Variants in PLEKHG1 observed in about 807,000 individuals in gnomAD.
PLEKHG1 encodes pleckstrin homology domain-containing family G member 1.
A neutral mutation model predicts 100.8 loss-of-function variants in PLEKHG1; 44 were observed. The observed-to-expected ratio is 0.44, with a 90% CI of 0.34 to 0.56. The LOEUF (loss-of-function observed/expected upper bound fraction) is 0.56, where lower values mean the gene tolerates loss of function less well. PLEKHG1 is among the 20% of genes least tolerant of loss of function. The pLI, the probability that PLEKHG1 is intolerant of heterozygous loss-of-function variation, is 0.01. For synonymous variants in PLEKHG1, 640 were observed against 662.5 expected (o/e 0.97, Z 0.52); for missense variants, 1,545 against 1,720.9 (o/e 0.90, Z 1.81).
At chr6:150,838,865 C>T (rs1188085348) in intron 15 of PLEKHG1, among the ~76,000 whole-genome samples, 1 of 152,134 alleles carries the variant, frequency 6.6e-6, no homozygotes, top group African/African-American at 2.4e-5. Flanking sequence ...CTTTAGTGCT[C>T]TGCTTCTTGG....
exon 4 of PLEKHG1, chr6:150,786,450 T>G (rs770527348): frequency 6.2e-7 from 1 of 1,610,846 alleles, no homozygotes; most frequent in Non-Finnish European, 8.5e-7. Flanking sequence ...CAGAGTGTTT[T>G]GTGTCCAAGG....
intron 1 of PLEKHG1, among the ~76,000 whole-genome samples, chr6:150,615,265 A>G (rs1178496627): frequency 1.3e-5 from 2 of 151,722 alleles, no homozygotes; most frequent in African/African-American, 2.4e-5. Context: ...CCGGTATTTG[A>G]GATGAATAAA....
intron 12 of PLEKHG1, among the ~76,000 whole-genome samples, chr6:150,820,836 A>G (rs1468078962): frequency 1.3e-5 from 2 of 152,084 alleles, no homozygotes; most frequent in African/African-American, 4.8e-5. Context: ...TTGCACTCCA[A>G]CCTGGGAGAC....
chr6:150,841,762 G>A (rs1010301266), exon 16 of PLEKHG1: 1 of 152,220 alleles, frequency 6.6e-6, no homozygotes, highest in African/African-American at 2.4e-5. Context: ...AGACCATTTT[G>A]TGTGCCTGTT....
intron 1 of PLEKHG1, among the ~76,000 whole-genome samples, chr6:150,618,113 G>C (rs1328499185): frequency 6.6e-6 from 1 of 152,198 alleles, no homozygotes; most frequent in Non-Finnish European, 1.5e-5. Context: ...AGAAGCTCTT[G>C]TTGATGTTTG....
Position 150,817,290 on chromosome 6 carries a change from G to A in PLEKHG1, c.1279-893G>A, listed in dbSNP as rs752516894. ...ATCACAGACATTGTCCTTCAGGGCC[G>A]TCTCACTCTGGGAGATTCTGGGGCA... is the stretch of plus-strand genomic sequence containing the variant. On this transcript the variant is annotated intron_variant, in intron 10 of 15. Coordinates refer to ENST00000358517, the Ensembl canonical transcript of PLEKHG1. 5.3e-5 allele frequency among the ~76,000 whole-genome samples: 8 copies of A among 152,298 alleles called. No homozygotes were observed. In the East Asian group the frequency reaches 9.6e-4, roughly 18 times the overall value.
chr6:150,703,607 AAAAAAAAC>A (rs986646816), intron 3 of PLEKHG1, among the ~76,000 whole-genome samples: 11 of 148,892 alleles, frequency 7.4e-5, no homozygotes, highest in African/African-American at 2.8e-4. Context: ...TCTTAAAAAA[AAAAAAAAC>A]AAAACAACTT....
At chr6:150,788,872 C>T (rs201908701) in intron 4 of PLEKHG1, among the ~76,000 whole-genome samples, 17 of 152,186 alleles carry the variant, frequency 1.1e-4, no homozygotes, top group East Asian at 1.9e-4. Flanking sequence ...CACACACACA[C>T]GCATACACAC....
intron 2 of PLEKHG1, among the ~76,000 whole-genome samples, chr6:150,649,012 A>C (rs185065045): frequency 1.3e-3 from 200 of 151,948 alleles, no homozygotes; most frequent in African/African-American, 4.5e-3. Context: ...GCAATGAACC[A>C]CCTACTTGTT....
At chr6:150,633,896 C>T (rs1237034728) in intron 1 of PLEKHG1, among the ~76,000 whole-genome samples, 2 of 151,984 alleles carry the variant, frequency 1.3e-5, no homozygotes, top group Non-Finnish European at 2.9e-5. Context: ...CCAGGTTGCC[C>T]CTCCACAGTT....
At chr6:150,829,569 G>C (rs1776796893) in intron 14 of PLEKHG1, among the ~76,000 whole-genome samples, 1 of 152,194 alleles carries the variant, frequency 6.6e-6, no homozygotes, top group Non-Finnish European at 1.5e-5. Flanking sequence ...AGTGAGCCAA[G>C]ATCATGCCAA....
chr6:150,611,361 C>A (rs535019726), intron 1 of PLEKHG1, among the ~76,000 whole-genome samples: 1 of 152,072 alleles, frequency 6.6e-6, no homozygotes, highest in South Asian at 2.1e-4. Context: ...AGCATACAAA[C>A]AAAAAAATTA....
chr6:150,737,385 G>A (rs368052348), intron 2 of PLEKHG1, among the ~76,000 whole-genome samples: 1,520 of 150,226 alleles, frequency 0.01, 42 homozygotes, highest in African/African-American at 0.035. Flanking sequence ...TCCGCTTCCC[G>A]GGTTCACGCC....
intron 14 of PLEKHG1, chr6:150,828,350 T>TC (rs1390110393): frequency 3.5e-5 from 56 of 1,610,510 alleles, no homozygotes; most frequent in Non-Finnish European, 4.5e-5. Flanking sequence ...CGCTCTGTCC[T>TC]CATGAAGAGG....
At position 150,782,776 on chromosome 6, in the gene PLEKHG1, T is replaced by G. The variant is rs73783107; in HGVS notation, c.513-3614T>G. On this transcript the variant is annotated intron_variant, in intron 3 of 15. Coordinates refer to ENST00000358517, the Ensembl canonical transcript of PLEKHG1. ...ATAAACAGGTCCTGATGCCAAAAGT[T>G]TCAGAACCACTGCCTTGGAATGAGG... is the stretch of plus-strand genomic sequence containing the variant. Among the ~76,000 whole-genome samples, 1,299 of 152,298 alleles carry G rather than the reference T, an allele frequency of 8.5e-3. 16 individuals carry two copies. Among genetic ancestry groups the G allele is most frequent in the African/African-American group, 0.03 (1,244 of 41,554 alleles).
intron 5 of PLEKHG1, 133 bp downstream of exon 6, chr6:150,796,035 C>T (rs548412518): frequency 2.0e-4 from 122 of 599,594 alleles, no homozygotes; most frequent in Middle Eastern, 1.4e-3. Context: ...GAATGCAAAA[C>T]GTGCTGAGAA....
intron 2 of PLEKHG1, among the ~76,000 whole-genome samples, chr6:150,749,801 C>T (rs7453338): frequency 0.17 from 25,213 of 152,074 alleles, 3,648 homozygotes; most frequent in African/African-American, 0.39. Context: ...GGGCTGGGAG[C>T]GGTGGCTCAT....
At chr6:150,669,783 A>G (rs1028080347) in intron 3 of PLEKHG1, among the ~76,000 whole-genome samples, 4 of 151,918 alleles carry the variant, frequency 2.6e-5, no homozygotes, top group African/African-American at 4.8e-5. Context: ...TTTTTAGTAG[A>G]GACAGGGTTT....
At chr6:150,670,371 A>T (rs920716365) in intron 3 of PLEKHG1, among the ~76,000 whole-genome samples, 11 of 152,318 alleles carry the variant, frequency 7.2e-5, no homozygotes, top group African/African-American at 2.6e-4. Context: ...TATAAGATAA[A>T]CGTTGCGTTT....
Sources: gnomAD v4.1 joint callset for allele counts (sites outside exome capture counted in the v4.1 genomes callset) on GRCh38, gnomAD v4.1.1 for gene constraint, MANE v1.5 for transcripts, NCBI Gene and HGNC (gene_info 2026-07-23, HGNC 2026-07-21) for gene names.